Variants in TSC22D1 observed in about 807,000 individuals in gnomAD.
TSC22D1 encodes TSC22 domain family protein 1.
A neutral mutation model predicts 74.2 loss-of-function variants in TSC22D1; 9 were observed. The ratio of observed to expected loss-of-function variants is 0.12; its 90% CI spans 0.07 to 0.21. The LOEUF (loss-of-function observed/expected upper bound fraction) is 0.21, where lower values mean the gene tolerates loss of function less well. Among genes scored for constraint, TSC22D1 ranks in the 10% least tolerant of loss-of-function variants. The pLI is 1.00. For missense variants in TSC22D1, 1,427 were observed against 1,304.7 expected (o/e 1.09, Z -1.44); for synonymous variants, 586 against 492.5 (o/e 1.19, Z -2.51).
intron 1 of TSC22D1, among the ~76,000 whole-genome samples, chr13:44,522,802 T>C (rs1404482289): frequency 6.6e-6 from 1 of 151,910 alleles, no homozygotes. Flanking sequence ...TCATGACCCA[T>C]AAAGAAAAAA....
chr13:44,573,241 C>A lies in TSC22D1; in HGVS notation c.2834G>T (p.Ser945Ile). Residue 945 changes from serine to isoleucine, a missense_variant, in exon 1 of 3, where the codon AGC (serine) becomes ATC (isoleucine). Physicochemically the swap from Ser to Ile is moderately radical, Grantham distance 142 (BLOSUM62 -2). Coordinates refer to ENST00000458659, the MANE Select transcript of TSC22D1 (RefSeq NM_183422.4). ...MSAVSDGSSSSLAASASLFPL... is the reference protein window; with the variant it reads ...MSAVSDGSSSILAASASLFPL... ...GAAAAGAGAAGCAGAGGCTGCTAGG[C>A]TGCTGCTACTCCCATCTGAAACTGC... The A allele has an allele frequency of 6.2e-7, 1 of 1,614,238 alleles. No individual in the cohort carries two copies. Among genetic ancestry groups the A allele is most frequent in the Non-Finnish European group, 8.5e-7 (1 of 1,180,038 alleles).
intron 1 of TSC22D1, among the ~76,000 whole-genome samples, chr13:44,548,031 A>G (rs1389289787): frequency 1.3e-5 from 2 of 152,204 alleles, no homozygotes; most frequent in Non-Finnish European, 2.9e-5. Context: ...TATATGGAAT[A>G]TTATTATCAC....
At position 44,432,170 on chromosome 13, in the gene TSC22D1, T is replaced by G. The variant is rs1874099624; in HGVS notation, c.*2456A>C. On this transcript the variant is annotated 3_prime_UTR_variant, in exon 3 of 3. Coordinates refer to ENST00000458659, the MANE Select transcript of TSC22D1 (RefSeq NM_183422.4). ...TGGAAAGACATCTTTTAATAATTCA[T>G]TCTTATTTCACAAATATTCAGCTGC... is the stretch of plus-strand genomic sequence containing the variant. 6.6e-6 allele frequency: 1 copy of G among 152,198 alleles called. No homozygotes were observed. The highest frequency in any genetic ancestry group is 2.4e-5 in the African/African-American group (1 of 41,450). The allele number at this position is 152,198 out of a possible 1,614,324, so 9.4% of individuals were successfully genotyped here. A position where few individuals can be genotyped will look rare whatever the true frequency, so the allele number is the denominator to read the frequency against.
chr13:44,444,230 G>T lies in TSC22D1; in HGVS notation c.2913-8135C>A, dbSNP rs556614523. ...GGAGGCAGAGGCTGCAGTGACTCAA[G>T]ATTGCACCACTGTACTCCAGCCTGG... On this transcript the variant is annotated intron_variant, in intron 1 of 2. Transcript: ENST00000458659. Among the ~76,000 whole-genome samples, 146 of 113,034 alleles carry T rather than the reference G, an allele frequency of 1.3e-3. 1 individual carries two copies. The Middle Eastern group carries it at 0.06, about 46-fold the overall frequency. The allele number at this position is 113,034 out of a possible 152,430, so 74.2% of individuals were successfully genotyped here.
intron 1 of TSC22D1, among the ~76,000 whole-genome samples, chr13:44,458,748 G>C (rs971103821): frequency 6.6e-6 from 1 of 152,228 alleles, no homozygotes; most frequent in African/African-American, 2.4e-5. Flanking sequence ...TTATGGCCAA[G>C]CCTGGGCGCT....
chr13:44,473,771 A>C (rs1051775979), intron 1 of TSC22D1, among the ~76,000 whole-genome samples: 2 of 152,190 alleles, frequency 1.3e-5, no homozygotes, highest in African/African-American at 4.8e-5. Context: ...AAGACAAACT[A>C]AAGTACAGCT....
chr13:44,452,999 T>C (rs1256897579), intron 1 of TSC22D1, among the ~76,000 whole-genome samples: 1 of 152,248 alleles, frequency 6.6e-6, no homozygotes, highest in Non-Finnish European at 1.5e-5. Flanking sequence ...TTCACCTGGC[T>C]CTGAACTACA....
At chr13:44,517,941 G>A (rs1208872220) in intron 1 of TSC22D1, among the ~76,000 whole-genome samples, 3 of 138,392 alleles carry the variant, frequency 2.2e-5, no homozygotes, top group African/African-American at 5.4e-5. Flanking sequence ...CTGCAGACAC[G>A]GACCTCCCAG....
At chr13:44,466,771 A>G (rs528783395) in intron 1 of TSC22D1, among the ~76,000 whole-genome samples, 1 of 149,864 alleles carries the variant, frequency 6.7e-6, no homozygotes, top group South Asian at 2.1e-4. Context: ...CCGTGTCTCA[A>G]AAAGAAAAAA....
intron 1 of TSC22D1, chr13:44,539,483 C>T (rs1371170480): frequency 1.0e-6 from 1 of 985,176 alleles, no homozygotes; most frequent in African/African-American, 1.7e-5. Context: ...ACCACAAAGG[C>T]CAAAATGGGT....
chr13:44,555,929 A>G (rs1264768796), intron 1 of TSC22D1, among the ~76,000 whole-genome samples: 2 of 152,150 alleles, frequency 1.3e-5, no homozygotes, highest in African/African-American at 4.8e-5. Context: ...TGTCAAGAGC[A>G]TACTAAATAA....
chr13:44,506,852 A>G (rs956501245), intron 1 of TSC22D1, among the ~76,000 whole-genome samples: 3 of 152,094 alleles, frequency 2.0e-5, no homozygotes, highest in Admixed American at 6.6e-5. Context: ...TAGAGAGGAG[A>G]AGAACAAAAA....
chr13:44,564,783 G>A (rs1168043808), intron 1 of TSC22D1, among the ~76,000 whole-genome samples: 1 of 152,126 alleles, frequency 6.6e-6, no homozygotes, highest in Non-Finnish European at 1.5e-5. Context: ...TATGCAGGAG[G>A]CTCTGTGAGG....
chr13:44,512,266 T>C lies in TSC22D1; in HGVS notation c.2912+60897A>G, dbSNP rs922031725. On this transcript the variant is annotated intron_variant, in intron 1 of 2. Transcript: ENST00000458659. ...CTCACTGCAAGCTCCGCCTCCCAGG[T>C]TCACGCCATTCTCCTGCCTCAGCCT... Among the ~76,000 whole-genome samples, 10 of 152,270 alleles carry C rather than the reference T, an allele frequency of 6.6e-5. No individual in the cohort carries two copies. In the East Asian group the frequency reaches 1.9e-3, roughly 30 times the overall value.
At chr13:44,435,166 G>C (rs973045992) in intron 2 of TSC22D1, 1 of 312,358 alleles carries the variant, frequency 3.2e-6, no homozygotes, top group African/African-American at 2.2e-5. Flanking sequence ...CCGGGCGCTG[G>C]GTCCCCGACT....
intron 1 of TSC22D1, chr13:44,539,307 A>T: frequency 2.0e-6 from 2 of 985,376 alleles, no homozygotes; most frequent in South Asian, 9.4e-5. Flanking sequence ...TGAAGTCCTA[A>T]CATTTGAGGT....
At chr13:44,494,373 A>C in intron 1 of TSC22D1, among the ~76,000 whole-genome samples, 1 of 92,480 alleles carries the variant, frequency 1.1e-5, no homozygotes, top group African/African-American at 4.1e-5. Flanking sequence ...AAGACTCCGT[A>C]TCAAAAAAAA....
intron 1 of TSC22D1, among the ~76,000 whole-genome samples, chr13:44,437,570 C>G (rs1874823581): frequency 6.6e-6 from 1 of 152,156 alleles, no homozygotes; most frequent in African/African-American, 2.4e-5. Flanking sequence ...GAGCCACAAA[C>G]CTTAAAATCA....
chr13:44,558,596 C>T (rs968579732), intron 1 of TSC22D1, among the ~76,000 whole-genome samples: 6 of 152,036 alleles, frequency 3.9e-5, no homozygotes, highest in East Asian at 1.9e-4. Context: ...AAAAATTAGC[C>T]GGGCATGGTG....
Sources: allele counts gnomAD v4.1 joint callset (sites outside exome capture counted in the v4.1 genomes callset), GRCh38; gene constraint gnomAD v4.1.1; transcripts MANE v1.5; gene names NCBI Gene and HGNC (gene_info 2026-07-23, HGNC 2026-07-21).